TTLL9: variants seen among roughly 807,000 people sequenced by gnomAD.
TTLL9 encodes probable tubulin polyglutamylase TTLL9.
Under a neutral mutation model 65.6 loss-of-function variants are expected in TTLL9, and 47 were observed. The observed-to-expected ratio is 0.72, with a 90% CI of 0.57 to 0.91. The LOEUF (loss-of-function observed/expected upper bound fraction) is 0.91, where lower values mean the gene tolerates loss of function less well. Among genes scored for constraint, TTLL9 ranks in the 40% least tolerant of loss-of-function variants. The pLI is 0.00. For synonymous variants in TTLL9, 179 were observed against 204.8 expected, an observed-to-expected ratio of 0.87 and a Z score of 1.07; for missense variants, 537 against 568.8, an observed-to-expected ratio of 0.94 and a Z score of 0.57.
intron 14 of TTLL9, chr20:31,940,915 G>C (rs145423865): frequency 6.6e-6 from 1 of 152,172 alleles, no homozygotes; most frequent in Non-Finnish European, 1.5e-5. Context: ...CAGTCACTGG[G>C]TAAGAAAATA....
intron 2 of TTLL9, among the ~76,000 whole-genome samples, chr20:31,878,890 A>T (rs2063071566): frequency 6.6e-6 from 1 of 152,214 alleles, no homozygotes; most frequent in South Asian, 2.1e-4. Flanking sequence ...AAATGCGTAG[A>T]TCTTAAGTTT....
intron 6 of TTLL9, among the ~76,000 whole-genome samples, chr20:31,915,184 A>C (rs928153518): frequency 4.6e-5 from 7 of 152,176 alleles, no homozygotes; most frequent in Non-Finnish European, 1.0e-4. Context: ...TCCTAATAGA[A>C]AGGAATGTGA....
At chr20:31,941,815 C>G (rs2064216033) in intron 14 of TTLL9, among the ~76,000 whole-genome samples, 1 of 152,116 alleles carries the variant, frequency 6.6e-6, no homozygotes, top group South Asian at 2.1e-4. Context: ...TTAGAAGTCT[C>G]TAGAATTATT....
At position 31,874,622 on chromosome 20, in the gene TTLL9, C is replaced by A. The variant is rs184039877; in HGVS notation, c.69+3427C>A. ...AAGGGGTTTCACCGTGTTGGCCAGG[C>A]TGGTCCTGAACTCCTGACCTCAAGT... On this transcript the variant is annotated intron_variant, in intron 2 of 14. Transcript: ENST00000535842. Among the ~76,000 whole-genome samples, 452 of 152,218 alleles carry A rather than the reference C, an allele frequency of 3.0e-3. 3 individuals carry two copies. Among genetic ancestry groups the A allele is most frequent in the African/African-American group, 1.0e-2 (414 of 41,540 alleles).
chr20:31,928,904 C>G (rs951045376), intron 10 of TTLL9, among the ~76,000 whole-genome samples: 3 of 152,204 alleles, frequency 2.0e-5, no homozygotes, highest in Non-Finnish European at 2.9e-5. Flanking sequence ...TTGACAGTTT[C>G]CTTCTCTGTT....
chr20:31,925,327 A>G (rs1249277510), intron 9 of TTLL9, among the ~76,000 whole-genome samples: 1 of 152,128 alleles, frequency 6.6e-6, no homozygotes, highest in South Asian at 2.1e-4. Context: ...CCTACTAAGT[A>G]CCAGGCCCTG....
At chr20:31,895,781 C>T (rs1395676917) in intron 3 of TTLL9, among the ~76,000 whole-genome samples, 1 of 151,616 alleles carries the variant, frequency 6.6e-6, no homozygotes, top group Non-Finnish European at 1.5e-5. Flanking sequence ...CATTTCAGTC[C>T]CTCTGCCTTC....
At chr20:31,934,217 T>C (rs2064068171) in intron 11 of TTLL9, 1 of 491,486 alleles carries the variant, frequency 2.0e-6, no homozygotes, top group Non-Finnish European at 4.0e-6. Context: ...CAAGGCCAGG[T>C]TCAAATACAG....
chr20:31,907,075 T>TG (rs2063569469), intron 4 of TTLL9, among the ~76,000 whole-genome samples: 1 of 151,892 alleles, frequency 6.6e-6, no homozygotes, highest in African/African-American at 2.4e-5. Flanking sequence ...AAAAGTTTGG[T>TG]GGGAAAAAAG....
intron 2 of TTLL9, chr20:31,879,726 G>C: frequency 7.7e-7 from 1 of 1,291,540 alleles, no homozygotes; most frequent in Non-Finnish European, 1.1e-6. Context: ...CAGAGGTTCT[G>C]GTGGACCAGA....
chr20:31,876,821 AC>A (rs561787104), intron 2 of TTLL9, among the ~76,000 whole-genome samples: 10 of 152,174 alleles, frequency 6.6e-5, no homozygotes, highest in Non-Finnish European at 1.2e-4. Flanking sequence ...AAAAACATTG[AC>A]ATATTTTTTG....
chr20:31,919,451 G>C (rs2063782375), intron 6 of TTLL9, among the ~76,000 whole-genome samples: 1 of 152,120 alleles, frequency 6.6e-6, no homozygotes, highest in Non-Finnish European at 1.5e-5. Context: ...CCCCTAGACT[G>C]TGTGAAGCTA....
At chr20:31,895,926 A>G (rs894701744) in intron 3 of TTLL9, among the ~76,000 whole-genome samples, 5 of 147,414 alleles carry the variant, frequency 3.4e-5, no homozygotes, top group Admixed American at 1.4e-4. Context: ...TGCAACTTCC[A>G]TCTCCCGGGT....
intron 2 of TTLL9, among the ~76,000 whole-genome samples, 199 bp downstream of exon 2, chr20:31,871,394 T>C (rs369336249): frequency 2.6e-5 from 4 of 152,300 alleles, no homozygotes; most frequent in South Asian, 4.1e-4. Flanking sequence ...TCTGAGGATG[T>C]TGAGGTGAGC....
chr20:31,882,935 A>C (rs1168840999), intron 2 of TTLL9, among the ~76,000 whole-genome samples: 1 of 152,194 alleles, frequency 6.6e-6, no homozygotes, highest in Non-Finnish European at 1.5e-5. Context: ...AAAATAAAAA[A>C]ACAGAATTGT....
chr20:31,915,342 C>T (rs2063718080), intron 6 of TTLL9, among the ~76,000 whole-genome samples: 1 of 152,186 alleles, frequency 6.6e-6, no homozygotes, highest in East Asian at 1.9e-4. Flanking sequence ...ATTGGCAGAG[C>T]GTGGTGGCAG....
At chr20:31,897,085 A>G (rs1329238758) in intron 3 of TTLL9, among the ~76,000 whole-genome samples, 1 of 152,222 alleles carries the variant, frequency 6.6e-6, no homozygotes, top group Non-Finnish European at 1.5e-5. Context: ...TTTCTGGAAG[A>G]GATTGTGTAG....
chr20:31,885,234 C>T (rs548299207), intron 2 of TTLL9, among the ~76,000 whole-genome samples: 2 of 152,170 alleles, frequency 1.3e-5, no homozygotes, highest in East Asian at 3.9e-4. Context: ...CAAAGGACCC[C>T]TAATTGCAAA....
At chr20:31,923,746 C>T (rs1031471420) in intron 8 of TTLL9, among the ~76,000 whole-genome samples, 2 of 152,246 alleles carry the variant, frequency 1.3e-5, no homozygotes, top group Admixed American at 1.3e-4. Context: ...ATTGCAATAG[C>T]GTTAATGCCA....
Sources: gnomAD v4.1 joint callset for allele counts (sites outside exome capture counted in the v4.1 genomes callset) on GRCh38, gnomAD v4.1.1 for gene constraint, MANE v1.5 for transcripts, NCBI Gene and HGNC (gene_info 2026-07-23, HGNC 2026-07-21) for gene names.